The following TANC2 variants were observed in gnomAD, a reference collection of about 807,000 sequenced individuals.
TANC2 encodes tetratricopeptide repeat, ankyrin repeat and coiled-coil containing 2, also known as protein TANC2.
TANC2 carries 26 observed loss-of-function variants against 210.5 expected under a neutral mutation model. The observed-to-expected ratio is 0.12, with a 90% CI of 0.09 to 0.17. TANC2 has a LOEUF of 0.17. Ranked by LOEUF, TANC2 falls within the 10% of genes least tolerant of loss-of-function variation. The pLI is 1.00. For missense variants in TANC2, 2,129 were observed against 2,608.9 expected, an observed-to-expected ratio of 0.82 and a Z score of 4.01; for synonymous variants, 931 against 967.1, an observed-to-expected ratio of 0.96 and a Z score of 0.69.
At chr17:63,309,554 A>G (rs987572333) in intron 9 of TANC2, among the ~76,000 whole-genome samples, 7 of 152,318 alleles carry the variant, frequency 4.6e-5, no homozygotes, top group Non-Finnish European at 7.4e-5. Context: ...TGTAATATAT[A>G]TCTGCTAAGA....
rs1185095451 is a variant in TANC2, at chr17:63,418,292, C to G, written c.4168-15C>G. The G allele has an allele frequency of 6.2e-7, 1 of 1,609,110 alleles. No homozygotes were observed. Among genetic ancestry groups the G allele is most frequent in the Non-Finnish European group, 8.5e-7 (1 of 1,176,916 alleles). ...TCTCATCAATGACTCATTTGCACAC[C>G]TATTGTAATGACAGGATTTTGGAAT... On this transcript the variant is annotated splice_polypyrimidine_tract_variant and intron_variant, in intron 26 of 27. Transcript: ENST00000689528. This position sits in a 1 kb window ranked among gnomAD's most constrained non-coding sequence, Gnocchi z 4.6.
At chr17:62,968,309 GAAATT>G (rs2031480694) in intron 1 of TANC2, among the ~76,000 whole-genome samples, 1 of 152,178 alleles carries the variant, frequency 6.6e-6, no homozygotes, top group Non-Finnish European at 1.5e-5. Flanking sequence ...TTCTTGTAAA[GAAATT>G]AAATTACATG....
chr17:63,294,728 A>G (rs937741913), intron 9 of TANC2, among the ~76,000 whole-genome samples: 5 of 152,178 alleles, frequency 3.3e-5, no homozygotes, highest in South Asian at 4.1e-4. Context: ...ATGCATTTCA[A>G]AGTAAATTGC....
rs746457500 is a variant in TANC2 at position 63,215,698 on chromosome 17, CTTTTA to C, written c.769+14756_769+14760del. On this transcript the variant is annotated intron_variant, in intron 7 of 27. Coordinates refer to ENST00000689528, the Ensembl canonical transcript of TANC2. ...CAGGAAAAGGGATGGAGGTGCCACA[CTTTTA>C]TTTTATTTTATTTTGTTTTGTTTTG... Among the ~76,000 whole-genome samples the C allele has an allele frequency of 1.1e-3, 170 of 152,112 alleles. 1 individual carries two copies. Among genetic ancestry groups the C allele is most frequent in the Non-Finnish European group, 2.0e-3 (134 of 67,954 alleles).
chr17:62,983,092 T>G (rs1279727660), intron 1 of TANC2, among the ~76,000 whole-genome samples: 56 of 152,154 alleles, frequency 3.7e-4, no homozygotes. Flanking sequence ...CATAAGACAT[T>G]TTTCCATTTG....
intron 3 of TANC2, among the ~76,000 whole-genome samples, chr17:63,092,807 A>AC (rs2037250651): frequency 6.6e-6 from 1 of 152,118 alleles, no homozygotes; most frequent in African/African-American, 2.4e-5. Flanking sequence ...CAACAGGCCC[A>AC]CCTTCAGTAT....
chr17:63,405,289 A>G, intron 20 of TANC2, 34 bp downstream of exon 20: 1 of 1,518,870 alleles, frequency 6.6e-7, no homozygotes, highest in African/African-American at 1.4e-5. Flanking sequence ...TCCCTCAGGC[A>G]GGACTGAGTT....
At chr17:63,389,470 C>T (rs1317709830) in exon 17 of TANC2, 2 of 1,613,868 alleles carry the variant, frequency 1.2e-6, no homozygotes, top group Non-Finnish European at 8.5e-7. Context: ...TGAAAGTGGC[C>T]TGACTCCCCT....
chr17:62,984,507 C>T (rs750429680), intron 1 of TANC2, among the ~76,000 whole-genome samples: 91 of 151,464 alleles, frequency 6.0e-4, no homozygotes, highest in East Asian at 1.7e-3. Context: ...ATTTTGGGTT[C>T]GGCTTGTTCT....
rs547631635 is a variant in TANC2 at position 63,012,406 on chromosome 17, A to G, written c.67+2780A>G. Among the ~76,000 whole-genome samples, 40 of 152,256 alleles carry G rather than the reference A, an allele frequency of 2.6e-4. 1 individual carries two copies. Among genetic ancestry groups the G allele is most frequent in the African/African-American group, 9.4e-4 (39 of 41,560 alleles). ...TGAAATTTTTTCTGTGGTTACCTAAAGATTAAAACAATACTTAGTTTATTG... is the reference window on the plus strand; with the variant it reads ...TGAAATTTTTTCTGTGGTTACCTAAGGATTAAAACAATACTTAGTTTATTG... On this transcript the variant is annotated intron_variant, in intron 2 of 27. Transcript: ENST00000689528.
intron 11 of TANC2, among the ~76,000 whole-genome samples, chr17:63,331,832 A>AAG (rs1402347442): frequency 3.4e-5 from 5 of 146,742 alleles, no homozygotes; most frequent in African/African-American, 1.3e-4. Flanking sequence ...ACTGTAAGAT[A>AAG]AGAGTGTGTG....
chr17:63,411,907 TGA>T, intron 22 of TANC2, 89 bp from the exon 23 acceptor site: 1 of 1,554,592 alleles, frequency 6.4e-7, no homozygotes, highest in South Asian at 1.2e-5. Context: ...GGCCAGCAGT[TGA>T]AAAAGGGCAG....
At chr17:63,404,982 T>C (rs2048456838) in intron 19 of TANC2, 140 bp from the exon 20 acceptor site, 3 of 1,039,284 alleles carry the variant, frequency 2.9e-6, no homozygotes, top group East Asian at 5.6e-5. Flanking sequence ...CTTTTCTTTA[T>C]GGAAAAGGTG....
chr17:63,059,366 A>G (rs2035915786), intron 2 of TANC2, among the ~76,000 whole-genome samples: 1 of 152,148 alleles, frequency 6.6e-6, no homozygotes, highest in Non-Finnish European at 1.5e-5. Context: ...GACCAGATTC[A>G]GGTTTGGTAG....
chr17:62,983,925 C>G (rs1383440927), intron 1 of TANC2, among the ~76,000 whole-genome samples: 1 of 151,874 alleles, frequency 6.6e-6, no homozygotes, highest in Non-Finnish European at 1.5e-5. Flanking sequence ...GGCTTGTAGT[C>G]TCCTTTTTTT....
At chr17:63,324,290 T>G (rs1242730045) in intron 11 of TANC2, among the ~76,000 whole-genome samples, 3 of 152,110 alleles carry the variant, frequency 2.0e-5, no homozygotes, top group Admixed American at 2.0e-4. Flanking sequence ...AGGAAATCTA[T>G]GTAAGAAAAA....
intron 2 of TANC2, among the ~76,000 whole-genome samples, chr17:63,043,748 T>G (rs1438075482): frequency 6.6e-6 from 1 of 152,190 alleles, no homozygotes; most frequent in Admixed American, 6.5e-5. Context: ...ATGTTTTGTT[T>G]TCTAAAATCC....
intron 5 of TANC2, among the ~76,000 whole-genome samples, chr17:63,156,737 A>G (rs540805103): frequency 2.6e-5 from 4 of 152,162 alleles, no homozygotes; most frequent in African/African-American, 9.6e-5. Flanking sequence ...CTCTTTAAAT[A>G]GAGATGAGAT....
At chr17:63,377,188 G>A (rs897576447) in intron 14 of TANC2, among the ~76,000 whole-genome samples, 1 of 152,200 alleles carries the variant, frequency 6.6e-6, no homozygotes, top group Admixed American at 6.5e-5. Context: ...GGGCTGCCAT[G>A]AAAACCTTCA....
Sources: allele counts gnomAD v4.1 joint callset (sites outside exome capture counted in the v4.1 genomes callset), GRCh38; gene constraint gnomAD v4.1.1; non-coding constraint Gnocchi (gnomAD v3.1); transcripts MANE v1.5; gene names NCBI Gene and HGNC (gene_info 2026-07-23, HGNC 2026-07-21).